MAST4: variants seen among roughly 807,000 people sequenced by gnomAD.
MAST4 encodes the protein microtubule associated serine/threonine kinase family member 4, also known as microtubule-associated serine/threonine-protein kinase 4.
Under a neutral mutation model 162.7 loss-of-function variants are expected in MAST4, and 89 were observed. The ratio of observed to expected loss-of-function variants is 0.55; its 90% CI spans 0.46 to 0.65. The LOEUF is 0.65. Ranked by LOEUF, MAST4 falls within the 30% of genes least tolerant of loss-of-function variation. The probability of loss-of-function intolerance (pLI) is 0.00; values close to 1 mark genes in which losing one functional copy is unlikely to be tolerated. For missense variants in MAST4, 3,153 were observed against 3,374.0 expected, an observed-to-expected ratio of 0.93 and a Z score of 1.62; for synonymous variants, 1,479 against 1,361.1, an observed-to-expected ratio of 1.09 and a Z score of -1.91.
Position 67,166,364 on chromosome 5 carries a change from T to A in MAST4, c.7185T>A (p.His2395Gln). The A allele has an allele frequency of 6.2e-7, 1 of 1,611,046 alleles. No homozygotes were observed. The highest frequency in any genetic ancestry group is 8.5e-7 in the Non-Finnish European group (1 of 1,178,610). ...TCGAGGCCGGCCTTTCCTTTGTGCA[T>A]AGCGAGAACCGGTTGAAAGGCGCGG... ...DKLEAGLSFVHSENRLKGAER... is the reference protein window; with the variant it reads ...DKLEAGLSFVQSENRLKGAER... Residue 2395 changes from histidine to glutamine, a missense_variant, in exon 29 of 29, where the codon CAT (histidine) becomes CAA (glutamine). His to Gln is a conservative substitution (Grantham distance 24, BLOSUM62 0). Transcript: ENST00000403625.
chr5:66,864,476 G>A (rs983925127), intron 3 of MAST4, among the ~76,000 whole-genome samples: 2 of 151,928 alleles, frequency 1.3e-5, no homozygotes, highest in Non-Finnish European at 2.9e-5. Context: ...TAGAGGGAAG[G>A]GCAGGGGAGG....
intron 4 of MAST4, among the ~76,000 whole-genome samples, chr5:66,914,641 T>A (rs1304029571): frequency 6.6e-6 from 1 of 152,148 alleles, no homozygotes; most frequent in Non-Finnish European, 1.5e-5. Context: ...CTCAGAGGGT[T>A]ACATCATGCT....
intron 3 of MAST4, among the ~76,000 whole-genome samples, chr5:66,845,645 G>T (rs1388443787): frequency 6.6e-6 from 1 of 152,042 alleles, no homozygotes; most frequent in Non-Finnish European, 1.5e-5. Flanking sequence ...TGGATGGCTG[G>T]GTCAAATTGT....
intron 1 of MAST4, among the ~76,000 whole-genome samples, chr5:66,720,912 C>G (rs1377685939): frequency 1.3e-5 from 2 of 152,152 alleles, no homozygotes. Context: ...AAAATGGAAA[C>G]AGAAGAGAGC....
In MAST4 at chr5:67,165,338, C is replaced by T; in HGVS notation, c.6159C>T (p.Pro2053=). 6.2e-7 allele frequency: 1 copy of T among 1,613,640 alleles called. No individual in the cohort carries two copies. Among genetic ancestry groups the T allele is most frequent in the Non-Finnish European group, 8.5e-7 (1 of 1,179,886 alleles). Residue 2053 remains proline (P), a synonymous_variant, in exon 29 of 29, where the codon CCC becomes CCT. Coordinates refer to ENST00000403625, the MANE Select transcript of MAST4 (RefSeq NM_001164664.2). ...AAGATGGCCCAGGTGAGGCGAGGCC[C>T]CCGCCCAGAGACAACTCCTCTCTGC... is the stretch of plus-strand genomic sequence containing the variant. ...NHKDGPGEAR[P]PPRDNSSLHS... is the part of the protein sequence containing the mutation.
intron 1 of MAST4, among the ~76,000 whole-genome samples, chr5:66,686,880 A>G (rs1047727148): frequency 6.6e-6 from 1 of 152,220 alleles, no homozygotes; most frequent in African/African-American, 2.4e-5. Flanking sequence ...TACAAAATTT[A>G]AAAATTAAGA....
At chr5:66,598,757 T>C (rs188980686) in intron 1 of MAST4, among the ~76,000 whole-genome samples, 1 of 152,334 alleles carries the variant, frequency 6.6e-6, no homozygotes, top group East Asian at 1.9e-4. Flanking sequence ...GTTTTCTATT[T>C]AGCTAGGAGG....
intron 4 of MAST4, among the ~76,000 whole-genome samples, chr5:67,035,234 G>C (rs938093648): frequency 2.0e-5 from 3 of 152,072 alleles, no homozygotes; most frequent in African/African-American, 7.2e-5. Context: ...ACTACTCAAG[G>C]AACAGCCATT....
At chr5:66,947,535 T>C (rs1384927495) in intron 4 of MAST4, among the ~76,000 whole-genome samples, 2 of 152,178 alleles carry the variant, frequency 1.3e-5, no homozygotes, top group Non-Finnish European at 1.5e-5. Context: ...CATCTAGATA[T>C]TGGAAGCTAA....
At chr5:66,666,740 G>A (rs575981845) in intron 1 of MAST4, among the ~76,000 whole-genome samples, 10 of 152,248 alleles carry the variant, frequency 6.6e-5, no homozygotes, top group African/African-American at 1.2e-4. Context: ...TGACTTTATC[G>A]TTTTAAATAT....
intron 2 of MAST4, among the ~76,000 whole-genome samples, chr5:66,771,307 C>T (rs1754347344): frequency 6.6e-6 from 1 of 152,072 alleles, no homozygotes. Flanking sequence ...GCCTCAGCCT[C>T]CTGCGTAGCT....
At chr5:66,989,853 T>A (rs1749883682) in intron 4 of MAST4, among the ~76,000 whole-genome samples, 1 of 152,184 alleles carries the variant, frequency 6.6e-6, no homozygotes. Context: ...TTCTTTAAAT[T>A]TTAAAATTTG....
At chr5:66,754,879 G>A (rs1011080257) in intron 1 of MAST4, among the ~76,000 whole-genome samples, 2 of 152,174 alleles carry the variant, frequency 1.3e-5, no homozygotes, top group African/African-American at 4.8e-5. Flanking sequence ...GAGGACAGAG[G>A]GGGCACAATA....
At chr5:67,080,924 T>G (rs1481571392) in intron 5 of MAST4, among the ~76,000 whole-genome samples, 2 of 143,028 alleles carry the variant, frequency 1.4e-5, no homozygotes, top group Non-Finnish European at 3.0e-5. Context: ...TAATTAATGT[T>G]TTCTTTAATT....
chr5:66,751,205 A>G (rs867628101), intron 1 of MAST4, among the ~76,000 whole-genome samples: 25 of 152,110 alleles, frequency 1.6e-4, no homozygotes, highest in Admixed American at 3.3e-4. Flanking sequence ...AAAAAACAGA[A>G]CAGAAAAACT....
At chr5:66,955,478 T>A (rs1008522372) in intron 4 of MAST4, among the ~76,000 whole-genome samples, 1 of 152,118 alleles carries the variant, frequency 6.6e-6, no homozygotes, top group Non-Finnish European at 1.5e-5. Context: ...TTTAGAGGCC[T>A]GGTGAGACTC....
intron 3 of MAST4, among the ~76,000 whole-genome samples, chr5:66,856,924 T>C (rs908144937): frequency 4.6e-5 from 7 of 152,224 alleles, no homozygotes; most frequent in African/African-American, 1.7e-4. Context: ...CAAACACCTC[T>C]CTATCTGACA....
chr5:66,714,543 A>G (rs925423089), intron 1 of MAST4, among the ~76,000 whole-genome samples: 1 of 152,178 alleles, frequency 6.6e-6, no homozygotes. Context: ...TCCCTTCTTC[A>G]TCTGAATTTT....
rs34012737 is a variant in MAST4 at position 66,715,732 on chromosome 5, GAAAAA to G, written c.364-43963_364-43959del. 4.8e-3 allele frequency among the ~76,000 whole-genome samples: 599 copies of G among 125,380 alleles called. 3 individuals are homozygous for G. Among genetic ancestry groups the G allele is most frequent in the African/African-American group, 0.015 (552 of 35,618 alleles). 82.3% of individuals were successfully genotyped at this position (125,380 alleles called of 152,430 possible). ...GAAAGACTGGTTCAGGCCATGACAG[GAAAAA>G]AAAAAAAAAAAAATGGAGTGGAATT... On this transcript the variant is annotated intron_variant, in intron 1 of 28. Coordinates refer to ENST00000403625, the MANE Select transcript of MAST4 (RefSeq NM_001164664.2).
Sources: gnomAD v4.1 joint callset for allele counts (sites outside exome capture counted in the v4.1 genomes callset) on GRCh38, gnomAD v4.1.1 for gene constraint, MANE v1.5 for transcripts, NCBI Gene and HGNC (gene_info 2026-07-23, HGNC 2026-07-21) for gene names.